The following LGSN variants were observed in gnomAD, a reference collection of about 807,000 sequenced individuals.
The protein encoded by LGSN is lengsin, lens protein with glutamine synthetase domain.
A neutral mutation model predicts 19.5 loss-of-function variants in LGSN; 21 were observed. The observed-to-expected ratio is 1.07, with a 90% CI of 0.76 to 1.55. The LOEUF is 1.55. LGSN is among the 40% of genes most tolerant of loss of function. LGSN has a pLI of 0.00. For missense variants in LGSN, 673 were observed against 608.5 expected (o/e 1.11, Z -1.12); for synonymous variants, 257 against 215.6 (o/e 1.19, Z -1.68).
chr6:63,385,898 G>A, the LGSN span, among the ~76,000 whole-genome samples: 2 of 152,064 alleles, frequency 1.3e-5, no homozygotes, highest in African/African-American at 4.8e-5. Context: ...CTGAAGGACC[G>A]ATACCCAATA....
In LGSN at chr6:63,292,778, C is replaced by T. The variant is rs2127387060; in HGVS notation, c.163+2135G>A. ...CCCATGGCTGATTTTTAATCTGTAT[C>T]CTTTTAGTGTAATAAACCATAACCT... On this transcript the variant is annotated intron_variant, in intron 2 of 3. Coordinates refer to ENST00000370657, the MANE Select transcript of LGSN (RefSeq NM_016571.3). Among the ~76,000 whole-genome samples the T allele has an allele frequency of 3.9e-5, 6 of 152,298 alleles. 1 individual carries two copies. The highest frequency in any genetic ancestry group is 3.9e-4 in the Admixed American group (6 of 15,302).
At chr6:63,355,821 A>G in the LGSN span, among the ~76,000 whole-genome samples, 1 of 152,218 alleles carries the variant, frequency 6.6e-6, no homozygotes, top group Admixed American at 6.5e-5. Flanking sequence ...TTGGATTACA[A>G]CATGTGCCAC....
chr6:63,454,793 C>CTTTTTTTTTTTTTTTTT, the LGSN span, among the ~76,000 whole-genome samples: 114 of 91,706 alleles, frequency 1.2e-3, 1 homozygote, highest in Non-Finnish European at 1.6e-3. Context: ...TTTTCTTTTT[C>CTTTTTTTTTTTTTTTTT]TTTTTTTTTT....
At chr6:63,557,170 T>C in the LGSN span, among the ~76,000 whole-genome samples, 1 of 152,198 alleles carries the variant, frequency 6.6e-6, no homozygotes, top group Non-Finnish European at 1.5e-5. Context: ...ATGATTATCA[T>C]CATGGGATGA....
At chr6:63,479,521 C>T in the LGSN span, among the ~76,000 whole-genome samples, 2 of 151,856 alleles carry the variant, frequency 1.3e-5, no homozygotes, top group Non-Finnish European at 1.5e-5. Context: ...TGGCGGATCT[C>T]GAGGTCAGGA....
chr6:63,473,629 T>C, the LGSN span, among the ~76,000 whole-genome samples: 5 of 152,158 alleles, frequency 3.3e-5, no homozygotes, highest in South Asian at 8.3e-4. Flanking sequence ...AGATTCTATA[T>C]CAATTTTTAT....
the LGSN span, among the ~76,000 whole-genome samples, chr6:63,509,745 A>T: frequency 6.6e-6 from 1 of 152,248 alleles, no homozygotes; most frequent in African/African-American, 2.4e-5. Context: ...AGGGGAAATC[A>T]TAAGAGATTG....
the LGSN span, among the ~76,000 whole-genome samples, chr6:63,546,999 C>A: frequency 2.7e-3 from 416 of 152,090 alleles, 1 homozygote; most frequent in African/African-American, 9.5e-3. Flanking sequence ...ATAAAACATT[C>A]TTTTTTAAAA....
At chr6:63,457,928 C>T in the LGSN span, among the ~76,000 whole-genome samples, 1 of 152,088 alleles carries the variant, frequency 6.6e-6, no homozygotes, top group Admixed American at 6.5e-5. Flanking sequence ...TCAGATTTAA[C>T]TAATACTTTC....
the LGSN span, among the ~76,000 whole-genome samples, chr6:63,435,735 G>A: frequency 4.6e-5 from 7 of 151,660 alleles, no homozygotes; most frequent in African/African-American, 7.3e-5. Context: ...TTAGTGGGTC[G>A]CACTCAGTAT....
At chr6:63,479,211 A>C in the LGSN span, among the ~76,000 whole-genome samples, 1 of 152,146 alleles carries the variant, frequency 6.6e-6, no homozygotes. Context: ...TCTGGTGATC[A>C]ACTGCTTTCA....
chr6:63,444,519 T>A, the LGSN span, among the ~76,000 whole-genome samples: 1 of 152,134 alleles, frequency 6.6e-6, no homozygotes, highest in Non-Finnish European at 1.5e-5. Context: ...TAGTGTAACA[T>A]GAGGAAGGAT....
chr6:63,416,123 TGC>T, the LGSN span, among the ~76,000 whole-genome samples: 13 of 150,428 alleles, frequency 8.6e-5, no homozygotes, highest in African/African-American at 9.9e-5. Flanking sequence ...CTTTTTTTTT[TGC>T]TTTTTTTTTT....
the LGSN span, among the ~76,000 whole-genome samples, chr6:63,437,634 T>A: frequency 6.6e-6 from 1 of 152,176 alleles, no homozygotes; most frequent in African/African-American, 2.4e-5. Context: ...ATTTTTCCTC[T>A]CATAAGAATT....
chr6:63,432,980 A>C, the LGSN span, among the ~76,000 whole-genome samples: 4 of 152,194 alleles, frequency 2.6e-5, no homozygotes, highest in African/African-American at 9.6e-5. Context: ...CTTCTATTCC[A>C]AAGAGAACTT....
the LGSN span, among the ~76,000 whole-genome samples, chr6:63,474,718 T>C: frequency 6.6e-6 from 1 of 151,114 alleles, no homozygotes; most frequent in African/African-American, 2.4e-5. Context: ...GGTCAGGAGA[T>C]TGAAATCAAC....
At chr6:63,425,117 C>G in the LGSN span, among the ~76,000 whole-genome samples, 1 of 152,098 alleles carries the variant, frequency 6.6e-6, no homozygotes. Context: ...AAAATGGTGA[C>G]ACTAAATGCC....
At chr6:63,338,797 A>G in the LGSN span, among the ~76,000 whole-genome samples, 1 of 152,004 alleles carries the variant, frequency 6.6e-6, no homozygotes, top group African/African-American at 2.4e-5. Flanking sequence ...TTGTAATGTC[A>G]GCATTTATTG....
At chr6:63,348,998 A>C in the LGSN span, among the ~76,000 whole-genome samples, 1 of 152,172 alleles carries the variant, frequency 6.6e-6, no homozygotes, top group African/African-American at 2.4e-5. Context: ...CAAGCAATCG[A>C]GAATTGTTCC....
Sources: allele counts gnomAD v4.1 joint callset (sites outside exome capture counted in the v4.1 genomes callset), GRCh38; gene constraint gnomAD v4.1.1; transcripts MANE v1.5; gene names NCBI Gene and HGNC (gene_info 2026-07-23, HGNC 2026-07-21).